Variants in ELMO1 observed in about 807,000 individuals in gnomAD.
The protein encoded by ELMO1 is engulfment and cell motility 1, also known as engulfment and cell motility protein 1.
ELMO1 carries 26 observed loss-of-function variants against 98.9 expected under a neutral mutation model. The observed-to-expected ratio is 0.26, with a 90% CI of 0.19 to 0.36. The LOEUF (loss-of-function observed/expected upper bound fraction) is 0.36, where lower values mean the gene tolerates loss of function less well. Among genes scored for constraint, ELMO1 ranks in the 10% least tolerant of loss-of-function variants. The pLI, the probability that ELMO1 is intolerant of heterozygous loss-of-function variation, is 1.00. For missense variants in ELMO1, 627 were observed against 935.2 expected, an observed-to-expected ratio of 0.67 and a Z score of 4.30; for synonymous variants, 346 against 346.0, an observed-to-expected ratio of 1.00 and a Z score of 0.00.
chr7:37,229,866 C>G (rs889787061), intron 8 of ELMO1, among the ~76,000 whole-genome samples: 1 of 151,972 alleles, frequency 6.6e-6, no homozygotes, highest in East Asian at 1.9e-4. Context: ...TTTAAACCAC[C>G]AAGACTGTCA....
chr7:37,361,255 C>A (rs533838249), intron 1 of ELMO1, among the ~76,000 whole-genome samples: 3 of 152,132 alleles, frequency 2.0e-5, no homozygotes, highest in Non-Finnish European at 4.4e-5. Context: ...GTCCATCAAT[C>A]GATGAATAAA....
At chr7:37,409,117 C>A (rs932156342) in intron 1 of ELMO1, among the ~76,000 whole-genome samples, 8 of 136,702 alleles carry the variant, frequency 5.9e-5, no homozygotes, top group African/African-American at 1.9e-4. Flanking sequence ...TGACACACAG[C>A]AGAGTTTTGC....
intron 16 of ELMO1, among the ~76,000 whole-genome samples, chr7:36,958,726 C>T (rs1788676478): frequency 6.6e-6 from 1 of 152,118 alleles, no homozygotes; most frequent in Admixed American, 6.5e-5. Flanking sequence ...TGTTTGCATA[C>T]TTCTTGCCTC....
intron 2 of ELMO1, among the ~76,000 whole-genome samples, chr7:37,322,818 T>C (rs1799593836): frequency 6.6e-6 from 1 of 151,904 alleles, no homozygotes; most frequent in Non-Finnish European, 1.5e-5. Context: ...CCAGGCTCTG[T>C]CTCGAAAAAA....
intron 16 of ELMO1, among the ~76,000 whole-genome samples, chr7:36,948,365 G>A (rs546500105): frequency 6.6e-6 from 1 of 152,284 alleles, no homozygotes; most frequent in East Asian, 1.9e-4. Context: ...CCGGAGTAAG[G>A]AGAAGATTTC....
chr7:37,232,035 T>C (rs952336010), intron 8 of ELMO1, among the ~76,000 whole-genome samples: 3 of 152,112 alleles, frequency 2.0e-5, no homozygotes, highest in South Asian at 2.1e-4. Flanking sequence ...GTAGTTTTCA[T>C]AGAGACGAGG....
At chr7:37,086,799 T>C (rs1054027304) in intron 15 of ELMO1, among the ~76,000 whole-genome samples, 1 of 135,490 alleles carries the variant, frequency 7.4e-6, no homozygotes, top group Admixed American at 7.1e-5. Flanking sequence ...AAAAAAAATA[T>C]CAATTCTCCC....
intron 15 of ELMO1, among the ~76,000 whole-genome samples, chr7:37,052,221 A>G (rs1796145364): frequency 6.6e-6 from 1 of 152,138 alleles, no homozygotes; most frequent in Non-Finnish European, 1.5e-5. Flanking sequence ...TCAGGAGAAT[A>G]TGACTGCCTA....
Position 37,213,373 on chromosome 7 carries a change from C to T in ELMO1, c.916G>A (p.Glu306Lys), listed in dbSNP as rs774408984. 1 of 1,612,862 alleles carries T rather than the reference C, an allele frequency of 6.2e-7. No homozygotes were observed. The highest frequency in any genetic ancestry group is 8.5e-7 in the Non-Finnish European group (1 of 1,179,720). ...TCCATTTTGGTCATCATCCTGTCTTCCAGGAGGTTAAAGGTGAGCACTTGT... is the reference window on the plus strand; with the variant it reads ...TCCATTTTGGTCATCATCCTGTCTTTCAGGAGGTTAAAGGTGAGCACTTGT... ...VLQVLTFNLL[E>K]DRMMTKMDPQ... Residue 306 changes from glutamate (E) to lysine (K), a missense_variant, in exon 12 of 22, where the codon GAA (glutamate) becomes AAA (lysine). This residue lies in a region of ELMO1 where 492 missense variants were observed against 715.6 expected (regional missense o/e 0.69). Coordinates refer to ENST00000310758, the MANE Select transcript of ELMO1 (RefSeq NM_014800.11).
At chr7:37,313,698 T>C (rs12532146) in intron 4 of ELMO1, among the ~76,000 whole-genome samples, 23,903 of 152,130 alleles carry the variant, frequency 0.16, 2,166 homozygotes, top group African/African-American at 0.23. Context: ...CCCTCCTTCT[T>C]TGGGGTAGAG....
At chr7:37,411,223 A>G (rs1006464567) in intron 1 of ELMO1, among the ~76,000 whole-genome samples, 7 of 152,342 alleles carry the variant, frequency 4.6e-5, no homozygotes, top group African/African-American at 1.7e-4. Context: ...AAGGAGCAAT[A>G]TTATTCCCTG....
At chr7:37,412,031 CACACACACACAAAA>C (rs1160059913) in intron 1 of ELMO1, among the ~76,000 whole-genome samples, 2 of 152,108 alleles carry the variant, frequency 1.3e-5, no homozygotes, top group Non-Finnish European at 2.9e-5. Flanking sequence ...TGCTCTCTCT[CACACACACACAAAA>C]ACACACACAC....
intron 16 of ELMO1, among the ~76,000 whole-genome samples, chr7:36,933,151 A>G (rs1030372655): frequency 6.6e-6 from 1 of 152,178 alleles, no homozygotes; most frequent in Non-Finnish European, 1.5e-5. Flanking sequence ...CAGTATCTTT[A>G]TGTCACTCAC....
chr7:37,322,201 G>A lies in ELMO1; in HGVS notation c.79-6241C>T, dbSNP rs560474429. On this transcript the variant is annotated intron_variant, in intron 2 of 21. Transcript: ENST00000310758. ...ACTCTATTGGAAAATATTTGGGCTGGACGTGGTGGCCCATGCCTGTTATCC... is the reference window on the plus strand; with the variant it reads ...ACTCTATTGGAAAATATTTGGGCTGAACGTGGTGGCCCATGCCTGTTATCC... 7.2e-5 allele frequency among the ~76,000 whole-genome samples: 11 copies of A among 152,100 alleles called. No individual in the cohort carries two copies. In the East Asian group the frequency reaches 2.0e-3, roughly 27 times the overall value.
intron 15 of ELMO1, among the ~76,000 whole-genome samples, chr7:37,031,584 C>T (rs1014287159): frequency 1.3e-5 from 2 of 152,104 alleles, no homozygotes; most frequent in African/African-American, 4.8e-5. Context: ...ATAGGCTGAG[C>T]CTTCTAAGTG....
chr7:37,096,572 TG>T, intron 15 of ELMO1, 46 bp downstream of exon 15: 1 of 1,552,040 alleles, frequency 6.4e-7, no homozygotes, highest in Non-Finnish European at 8.9e-7. Context: ...CCCTGGAAGC[TG>T]GGACTCTGCC....
intron 15 of ELMO1, among the ~76,000 whole-genome samples, chr7:37,048,410 C>G (rs548036434): frequency 3.9e-5 from 6 of 152,162 alleles, no homozygotes; most frequent in Non-Finnish European, 7.4e-5. Context: ...ATAACTGATT[C>G]CAATTCTTTC....
chr7:37,105,056 G>A (rs1190479915), intron 14 of ELMO1, among the ~76,000 whole-genome samples: 1 of 152,170 alleles, frequency 6.6e-6, no homozygotes. Flanking sequence ...TTAAAGCCTG[G>A]AGCTTCATAA....
intron 14 of ELMO1, among the ~76,000 whole-genome samples, chr7:37,122,639 G>A (rs563452540): frequency 7.2e-5 from 11 of 152,294 alleles, no homozygotes; most frequent in African/African-American, 2.6e-4. Context: ...CATAAAGCAA[G>A]TCCTTAGAGA....
Sources: allele counts gnomAD v4.1 joint callset (sites outside exome capture counted in the v4.1 genomes callset), GRCh38; gene constraint gnomAD v4.1.1; regional missense constraint gnomAD v4.1.1; transcripts MANE v1.5; gene names NCBI Gene and HGNC (gene_info 2026-07-23, HGNC 2026-07-21).